Variants in SGTA observed in about 807,000 individuals in gnomAD.
SGTA encodes small glutamine-rich tetratricopeptide repeat-containing protein alpha.
In SGTA, 22 loss-of-function variants were observed where a neutral mutation model predicts 44.3. The observed-to-expected ratio is 0.50, with a 90% confidence interval of 0.36 to 0.71. The LOEUF (loss-of-function observed/expected upper bound fraction) is 0.71, where lower values mean the gene tolerates loss of function less well. Among genes scored for constraint, SGTA ranks in the 30% least tolerant of loss-of-function variants. The pLI is 0.00. For missense variants in SGTA, 341 were observed against 435.9 expected (o/e 0.78, Z 1.94); for synonymous variants, 174 against 177.6 (o/e 0.98, Z 0.16).
chr19:2,759,569 G>A, intron 8 of SGTA: 1 of 472,556 alleles, frequency 2.1e-6, no homozygotes, highest in Non-Finnish European at 3.8e-6. Flanking sequence ...GGCTGCTGCG[G>A]TTTTGCTGTG....
chr19:2,778,228 T>C (rs1218907786), intron 1 of SGTA, among the ~76,000 whole-genome samples: 1 of 151,598 alleles, frequency 6.6e-6, no homozygotes, highest in Admixed American at 6.6e-5. Flanking sequence ...GGCAGGGGTG[T>C]GTGTGTGGAG....
At chr19:2,760,517 CAAAAAAAA>C (rs58836148) in intron 8 of SGTA, among the ~76,000 whole-genome samples, 5 of 51,642 alleles carry the variant, frequency 9.7e-5, no homozygotes, top group Admixed American at 2.0e-4. Flanking sequence ...GACTCCATCT[CAAAAAAAA>C]AAAAAAAAAA....
chr19:2,760,257 A>C (rs1311557654), intron 8 of SGTA, among the ~76,000 whole-genome samples: 1 of 151,858 alleles, frequency 6.6e-6, no homozygotes, highest in Non-Finnish European at 1.5e-5. Flanking sequence ...AGTGGCTCAC[A>C]CCTGTAATCC....
intron 1 of SGTA, among the ~76,000 whole-genome samples, chr19:2,774,229 A>G (rs552013346): frequency 4.6e-5 from 7 of 152,264 alleles, no homozygotes; most frequent in African/African-American, 1.7e-4. Flanking sequence ...GACTCCAACA[A>G]GCGGGTCGGC....
chr19:2,763,897 C>T lies in SGTA; in HGVS notation c.393-140G>A. ...AGTTTTCCCCATCTGTAAAATGGGG[C>T]TGATGGGGAAAGCTGAGAGGTGTGG... On this transcript the variant is annotated intron_variant, in intron 5 of 11. Transcript: ENST00000221566. The surrounding 1 kb of genome is among the most constrained non-coding windows in gnomAD (Gnocchi z 5.8). The T allele has an allele frequency of 1.6e-6, 1 of 643,082 alleles. No individual in the cohort carries two copies. The highest frequency in any genetic ancestry group is 2.7e-6 in the Non-Finnish European group (1 of 372,340). The allele number at this position is 643,082 out of a possible 1,614,324, so 39.8% of individuals were successfully genotyped here.
chr19:2,758,205 C>T (rs755429747), intron 9 of SGTA, among the ~76,000 whole-genome samples: 3 of 152,196 alleles, frequency 2.0e-5, no homozygotes, highest in African/African-American at 4.8e-5. Flanking sequence ...CAAATGGCCA[C>T]GGTGCTGTGG....
chr19:2,780,346 G>A (rs149136484), intron 1 of SGTA, among the ~76,000 whole-genome samples: 3 of 152,200 alleles, frequency 2.0e-5, no homozygotes, highest in East Asian at 1.9e-4. Context: ...TAGGATACCC[G>A]AGTTCTAGCT....
chr19:2,760,928 T>A (rs1914972018), intron 8 of SGTA, among the ~76,000 whole-genome samples: 1 of 152,096 alleles, frequency 6.6e-6, no homozygotes, highest in Non-Finnish European at 1.5e-5. Context: ...AACATGTGTG[T>A]GTGGGGGATG....
At chr19:2,762,135 C>A (rs572916985) in intron 7 of SGTA, among the ~76,000 whole-genome samples, 37 of 152,312 alleles carry the variant, frequency 2.4e-4, no homozygotes, top group African/African-American at 8.9e-4. Context: ...GCCCCACTCA[C>A]CCCCAGGCCA....
At chr19:2,760,948 G>C (rs978468142) in intron 8 of SGTA, among the ~76,000 whole-genome samples, 1 of 152,236 alleles carries the variant, frequency 6.6e-6, no homozygotes, top group Non-Finnish European at 1.5e-5. Flanking sequence ...GGCTCTCCGA[G>C]GATCCCAGTC....
At chr19:2,757,617 TCTC>T (rs1914861312) in intron 10 of SGTA, 73 bp downstream of exon 10, 5 of 1,448,506 alleles carry the variant, frequency 3.5e-6, no homozygotes, top group East Asian at 2.5e-5. Flanking sequence ...GCACTTTCGC[TCTC>T]CTCCTTCCCT....
chr19:2,758,932 C>A (rs1914907483), intron 9 of SGTA, among the ~76,000 whole-genome samples: 1 of 152,040 alleles, frequency 6.6e-6, no homozygotes, highest in Non-Finnish European at 1.5e-5. Context: ...CCAGGACAGG[C>A]CCATCCACAG....
Position 2,755,642 on chromosome 19 carries a change from A to C in SGTA, c.*298T>G. ...TCTGAGAGCGGCCCGGGAGCACCCC[A>C]GGATTCTAGAAAACACTCAAGTGAC... On this transcript the variant is annotated 3_prime_UTR_variant, in exon 12 of 12. Transcript: ENST00000221566. The surrounding 1 kb of genome is among the most constrained non-coding windows in gnomAD (Gnocchi z 5.2). 3 of 985,494 alleles carry C rather than the reference A, an allele frequency of 3.0e-6. No individual in the cohort carries two copies. Among genetic ancestry groups the C allele is most frequent in the Non-Finnish European group, 3.6e-6 (3 of 829,942 alleles). 61.0% of individuals were successfully genotyped at this position (985,494 alleles called of 1,614,324 possible).
Position 2,767,719 on chromosome 19 carries a change from G to T in SGTA, c.101-33C>A. On this transcript the variant is annotated intron_variant, in intron 2 of 11. Transcript: ENST00000221566. The surrounding 1 kb of genome is among the most constrained non-coding windows in gnomAD (Gnocchi z 7.3). ...GGGGACAGAGGCGGTCCCATTCATT[G>T]CACGCAGCCCCGAGGTTACGTTTTT... 1 of 1,546,880 alleles carries T rather than the reference G, an allele frequency of 6.5e-7. No homozygotes were observed. The highest frequency in any genetic ancestry group is 8.9e-7 in the Non-Finnish European group (1 of 1,119,506).
chr19:2,761,418 T>G lies in SGTA; in HGVS notation c.699+42A>C, dbSNP rs1179075712. 1.3e-6 allele frequency: 2 copies of G among 1,506,332 alleles called. No individual in the cohort carries two copies. Among genetic ancestry groups the G allele is most frequent in the Non-Finnish European group, 9.0e-7 (1 of 1,108,200 alleles). The allele number at this position is 1,506,332 out of a possible 1,614,324, so 93.3% of individuals were successfully genotyped here. The stretch of plus-strand genomic sequence containing the variant: ...ACACAGCAGATGCGGGCCTGGGGGG[T>G]GGCGCAGACACCATGGACAGGGAGG... On this transcript the variant is annotated intron_variant, in intron 8 of 11. Coordinates refer to ENST00000221566, the MANE Select transcript of SGTA (RefSeq NM_003021.4). This position sits in a 1 kb window ranked among gnomAD's most constrained non-coding sequence, Gnocchi z 5.7.
At chr19:2,770,066 C>T (rs1479698799) in intron 1 of SGTA, 3 of 142,104 alleles carry the variant, frequency 2.1e-5, no homozygotes, top group Admixed American at 7.2e-5. Flanking sequence ...CCTGGTTCCC[C>T]CCCGGATACC....
chr19:2,763,808 C>A lies in SGTA; in HGVS notation c.393-51G>T. ...CCCTCACTGGCGGCTCTGAGCCCAG[C>A]GGGCAGCCCTTGAGGGGAGCCTGAG... On this transcript the variant is annotated intron_variant, in intron 5 of 11. Transcript: ENST00000221566. The surrounding 1 kb of genome is among the most constrained non-coding windows in gnomAD (Gnocchi z 5.8). The A allele has an allele frequency of 2.0e-6, 3 of 1,497,808 alleles. No homozygotes were observed. The highest frequency in any genetic ancestry group is 1.8e-6 in the Non-Finnish European group (2 of 1,087,204). 92.8% of individuals were successfully genotyped at this position (1,497,808 alleles called of 1,614,324 possible). A position where few individuals can be genotyped will look rare whatever the true frequency, so the allele number is the denominator to read the frequency against.
At chr19:2,764,424 G>A (rs910311420) in intron 5 of SGTA, among the ~76,000 whole-genome samples, 2 of 152,168 alleles carry the variant, frequency 1.3e-5, no homozygotes, top group Non-Finnish European at 2.9e-5. Context: ...TTGAAACAGG[G>A]TTTTGCTCTG....
At position 2,761,836 on chromosome 19, in the gene SGTA, A is replaced by C. The variant is rs1915001418; in HGVS notation, c.637-314T>G. On this transcript the variant is annotated intron_variant, in intron 7 of 11. Coordinates refer to ENST00000221566, the MANE Select transcript of SGTA (RefSeq NM_003021.4). This position sits in a 1 kb window ranked among gnomAD's most constrained non-coding sequence, Gnocchi z 5.7. Reference sequence around the variant, plus strand: ...CTATCATCCCGTGTTTATTCCCCGCACAGCGCGACCGCCCGGGGACGGCAC... The same window carrying C: ...CTATCATCCCGTGTTTATTCCCCGCCCAGCGCGACCGCCCGGGGACGGCAC... Among the ~76,000 whole-genome samples the C allele has an allele frequency of 6.8e-6, 1 of 147,238 alleles. No homozygotes were observed. The highest frequency in any genetic ancestry group is 1.5e-5 in the Non-Finnish European group (1 of 67,098).
Sources: allele counts gnomAD v4.1 joint callset (sites outside exome capture counted in the v4.1 genomes callset), GRCh38; gene constraint gnomAD v4.1.1; non-coding constraint Gnocchi (gnomAD v3.1); transcripts MANE v1.5; gene names NCBI Gene and HGNC (gene_info 2026-07-23, HGNC 2026-07-21).